HRH1: variants seen among roughly 807,000 people sequenced by gnomAD.
The protein encoded by HRH1 is histamine receptor H1.
Under a neutral mutation model 10.3 loss-of-function variants are expected in HRH1, and 6 were observed. The ratio of observed to expected loss-of-function variants is 0.58; its 90% CI spans 0.32 to 1.15. The LOEUF is 1.15. Among genes scored for constraint, HRH1 ranks in the 50% most tolerant of loss-of-function variants. The pLI is 0.05. For missense variants in HRH1, 514 were observed against 615.3 expected (o/e 0.84, Z 1.74); for synonymous variants, 242 against 236.7 (o/e 1.02, Z -0.21).
chr3:11,251,347 C>T (rs550520025), intron 1 of HRH1, among the ~76,000 whole-genome samples: 1 of 152,246 alleles, frequency 6.6e-6, no homozygotes, highest in South Asian at 2.1e-4. Context: ...GTTAATAAGG[C>T]CTCGCTCTGC....
intron 1 of HRH1, among the ~76,000 whole-genome samples, chr3:11,160,704 T>A (rs1179393327): frequency 6.6e-6 from 1 of 152,186 alleles, no homozygotes; most frequent in Non-Finnish European, 1.5e-5. Context: ...GGGAACACCA[T>A]TTGCACAGTT....
At chr3:11,214,999 A>G (rs1009659827) in intron 1 of HRH1, among the ~76,000 whole-genome samples, 1 of 152,252 alleles carries the variant, frequency 6.6e-6, no homozygotes, top group Non-Finnish European at 1.5e-5. Context: ...TTGCAACAGA[A>G]TAAAAATAGT....
At chr3:11,243,889 GT>G (rs1422535787) in intron 1 of HRH1, among the ~76,000 whole-genome samples, 1 of 152,150 alleles carries the variant, frequency 6.6e-6, no homozygotes, top group Admixed American at 6.5e-5. Context: ...GAATTCTAGG[GT>G]TTTTAATTTA....
At chr3:11,249,539 G>T (rs1939582995) in intron 1 of HRH1, among the ~76,000 whole-genome samples, 1 of 152,104 alleles carries the variant, frequency 6.6e-6, no homozygotes, top group African/African-American at 2.4e-5. Context: ...CATAAAAATG[G>T]CTCAAGGAAG....
At chr3:11,258,749 G>A (rs1477769121) in intron 1 of HRH1, among the ~76,000 whole-genome samples, 1 of 152,046 alleles carries the variant, frequency 6.6e-6, no homozygotes, top group Non-Finnish European at 1.5e-5. Context: ...CATTCCATAG[G>A]GGCAAACATT....
chr3:11,201,096 A>G (rs1264249126), intron 1 of HRH1, among the ~76,000 whole-genome samples: 1 of 152,200 alleles, frequency 6.6e-6, no homozygotes, highest in Non-Finnish European at 1.5e-5. Context: ...CGCTAGAGAA[A>G]GGTATCCAGA....
At chr3:11,217,763 G>C (rs2125038161) in intron 1 of HRH1, among the ~76,000 whole-genome samples, 1 of 152,344 alleles carries the variant, frequency 6.6e-6, no homozygotes, top group African/African-American at 2.4e-5. Context: ...TAAGAGAACA[G>C]AGGAATAGAT....
chr3:11,140,449 A>C (rs994371182), intron 1 of HRH1, among the ~76,000 whole-genome samples: 8 of 151,996 alleles, frequency 5.3e-5, no homozygotes, highest in Admixed American at 1.3e-4. Context: ...CCACACACCC[A>C]GGCTTTCTCA....
intron 1 of HRH1, among the ~76,000 whole-genome samples, chr3:11,203,242 C>G (rs1192633284): frequency 6.6e-6 from 1 of 151,904 alleles, no homozygotes; most frequent in Non-Finnish European, 1.5e-5. Context: ...TGTGTAGACA[C>G]AAGTTTTCAA....
At chr3:11,198,878 G>A (rs1937781784) in intron 1 of HRH1, among the ~76,000 whole-genome samples, 1 of 151,000 alleles carries the variant, frequency 6.6e-6, no homozygotes. Context: ...ACCACCCTGT[G>A]TATTGTAAAC....
rs894609268 is a variant in HRH1 at position 11,171,556 on chromosome 3, A to T, written c.-36+17002A>T. ...CTCCACCCCAGACCTGCAGAATCAG[A>T]ATCTGCATTTTAACAAGCTCCCCGC... On this transcript the variant is annotated intron_variant, in intron 1 of 1. Transcript: ENST00000431010. Among the ~76,000 whole-genome samples the T allele has an allele frequency of 6.6e-5, 10 of 152,180 alleles. No homozygotes were observed. In the South Asian group the frequency reaches 2.1e-3, roughly 32 times the overall value.
At chr3:11,200,374 C>G (rs1368415369) in intron 1 of HRH1, among the ~76,000 whole-genome samples, 3 of 152,200 alleles carry the variant, frequency 2.0e-5, no homozygotes, top group Admixed American at 1.3e-4. Context: ...AATGACTACT[C>G]TATGCCATAG....
At chr3:11,213,982 G>A (rs1324223511) in intron 1 of HRH1, among the ~76,000 whole-genome samples, 26 of 152,170 alleles carry the variant, frequency 1.7e-4, no homozygotes, top group Non-Finnish European at 3.8e-4. Context: ...CTTGGCGGGT[G>A]GCATCTGAGG....
At chr3:11,175,896 C>T (rs7641560) in intron 1 of HRH1, among the ~76,000 whole-genome samples, 6,226 of 152,194 alleles carry the variant, frequency 0.041, 251 homozygotes, top group African/African-American at 0.1. Flanking sequence ...CATGGGCTCA[C>T]GCCTGTAATC....
intron 1 of HRH1, among the ~76,000 whole-genome samples, chr3:11,168,737 AGGGCTGGGGGTGC>A (rs1307953148): frequency 6.6e-6 from 1 of 152,230 alleles, no homozygotes; most frequent in Non-Finnish European, 1.5e-5. Context: ...GAGGAACCCC[AGGGCTGGGGGTGC>A]GGGCTGTATG....
At chr3:11,179,189 G>A (rs575819363) in intron 1 of HRH1, among the ~76,000 whole-genome samples, 37 of 152,254 alleles carry the variant, frequency 2.4e-4, no homozygotes, top group African/African-American at 7.7e-4. Flanking sequence ...TTGGGAGGCC[G>A]AGGCAGGAGA....
intron 1 of HRH1, among the ~76,000 whole-genome samples, chr3:11,208,657 G>A (rs148312328): frequency 1.6e-3 from 244 of 152,294 alleles, no homozygotes; most frequent in African/African-American, 5.4e-3. Context: ...ATTATGTACC[G>A]TTTTGTCATC....
chr3:11,173,886 G>C (rs1574988364), intron 1 of HRH1, among the ~76,000 whole-genome samples: 1 of 152,180 alleles, frequency 6.6e-6, no homozygotes, highest in African/African-American at 2.4e-5. Context: ...CAGGTGTAAA[G>C]AGTTGTGTTT....
chr3:11,150,425 G>T (rs560467919), upstream of HRH1, among the ~76,000 whole-genome samples: 24 of 152,362 alleles, frequency 1.6e-4, no homozygotes, highest in African/African-American at 5.5e-4. Flanking sequence ...GCACCCAGAG[G>T]GTGCAGTCCC....
Sources: gnomAD v4.1 joint callset for allele counts (sites outside exome capture counted in the v4.1 genomes callset) on GRCh38, gnomAD v4.1.1 for gene constraint, MANE v1.5 for transcripts, NCBI Gene and HGNC (gene_info 2026-07-23, HGNC 2026-07-21) for gene names.